The following APMAP variants were observed in gnomAD, a reference collection of about 807,000 sequenced individuals.
APMAP encodes adipocyte plasma membrane-associated protein.
A neutral mutation model predicts 43.6 loss-of-function variants in APMAP; 33 were observed. The observed-to-expected ratio is 0.76, with a 90% CI of 0.57 to 1.01. APMAP has a LOEUF of 1.01. Ranked by LOEUF, APMAP falls within the 50% of genes least tolerant of loss-of-function variation. The pLI is 0.00. For synonymous variants in APMAP, 224 were observed against 216.7 expected (o/e 1.03, Z -0.30); for missense variants, 498 against 540.7 (o/e 0.92, Z 0.78).
intron 6 of APMAP, 32 bp from the exon 7 acceptor site, chr20:24,969,692 G>A: frequency 6.3e-7 from 1 of 1,587,914 alleles, no homozygotes; most frequent in Non-Finnish European, 8.6e-7. Flanking sequence ...GGGTTATGGG[G>A]GAGAATCCCT....
intron 1 of APMAP, among the ~76,000 whole-genome samples, chr20:24,987,863 A>G (rs1380382340): frequency 1.3e-5 from 2 of 152,182 alleles, no homozygotes; most frequent in Non-Finnish European, 2.9e-5. Context: ...ACACCCTTCA[A>G]CCCAAGTGAT....
chr20:24,988,598 C>T (rs1257086167), intron 1 of APMAP, among the ~76,000 whole-genome samples: 2 of 152,190 alleles, frequency 1.3e-5, no homozygotes, highest in African/African-American at 2.4e-5. Flanking sequence ...GCAGCCAACT[C>T]CTGGATGGGC....
intron 8 of APMAP, among the ~76,000 whole-genome samples, chr20:24,968,083 C>T (rs1009939525): frequency 1.1e-4 from 16 of 152,320 alleles, no homozygotes; most frequent in Admixed American, 4.6e-4. Flanking sequence ...ATTTAAAATA[C>T]CTATTCAGCC....
intron 8 of APMAP, 138 bp downstream of exon 8, chr20:24,968,753 GA>G (rs2087969350): frequency 3.6e-6 from 3 of 836,900 alleles, no homozygotes; most frequent in African/African-American, 1.8e-5. Flanking sequence ...ATTTCAGGAT[GA>G]AGAATGAAAT....
At chr20:24,983,031 G>GT (rs1466485019) in intron 2 of APMAP, among the ~76,000 whole-genome samples, 1 of 152,208 alleles carries the variant, frequency 6.6e-6, no homozygotes, top group East Asian at 1.9e-4. Context: ...ACAGCACCTT[G>GT]TGCCTTTACT....
At chr20:24,968,835 A>C in intron 8 of APMAP, 57 bp downstream of exon 8, 1 of 1,507,526 alleles carries the variant, frequency 6.6e-7, no homozygotes, top group South Asian at 1.3e-5. Flanking sequence ...AGGGTCAAAA[A>C]AATATGATTC....
In APMAP at chr20:24,970,381, A is replaced by T; in HGVS notation, c.539-10T>A. On this transcript the variant is annotated splice_polypyrimidine_tract_variant and intron_variant, in intron 5 of 8. Coordinates refer to ENST00000217456, the MANE Select transcript of APMAP (RefSeq NM_020531.3). ...AGCAGTTTCACTTCACCTGAAGTTT[A>T]AAAAGAAAGAAAAAGATTGACTTGA... is the stretch of plus-strand genomic sequence containing the variant. The T allele has an allele frequency of 6.3e-7, 1 of 1,598,642 alleles. No homozygotes were observed. The highest frequency in any genetic ancestry group is 8.5e-7 in the Non-Finnish European group (1 of 1,171,184).
Position 24,992,737 on chromosome 20 carries a change from G to A in APMAP, c.-49C>T, listed in dbSNP as rs368294552. 62 of 1,382,258 alleles carry A rather than the reference G, an allele frequency of 4.5e-5. No homozygotes were observed. The Admixed American group carries it at 8.9e-4, about 20-fold the overall frequency. 85.6% of individuals were successfully genotyped at this position (1,382,258 alleles called of 1,614,324 possible). ...CAGAAACCACCTCACACTGAGCGGCGCCGGCTCAGACTCCAGGCCCGCCCT... is the reference window on the plus strand; with the variant it reads ...CAGAAACCACCTCACACTGAGCGGCACCGGCTCAGACTCCAGGCCCGCCCT... On this transcript the variant is annotated 5_prime_UTR_variant, in exon 1 of 9. Transcript: ENST00000217456.
At chr20:24,970,494 A>C in intron 5 of APMAP, 123 bp from the exon 6 acceptor site, 1 of 905,118 alleles carries the variant, frequency 1.1e-6, no homozygotes, top group Non-Finnish European at 1.6e-6. Flanking sequence ...CATTTGTCAG[A>C]AGATTTATTC....
intron 8 of APMAP, among the ~76,000 whole-genome samples, chr20:24,966,789 G>C (rs1313926775): frequency 6.6e-6 from 1 of 152,132 alleles, no homozygotes; most frequent in East Asian, 1.9e-4. Context: ...ATCTGAATGG[G>C]GCCTGCAGAC....
chr20:24,966,229 C>T (rs1219318102), intron 8 of APMAP, among the ~76,000 whole-genome samples: 6 of 152,162 alleles, frequency 3.9e-5, no homozygotes, highest in African/African-American at 2.4e-5. Flanking sequence ...TGCCCAAAGG[C>T]CCAGAAGCCA....
At chr20:24,973,525 T>C (rs1434390222) in intron 4 of APMAP, 120 bp downstream of exon 4, 5 of 902,614 alleles carry the variant, frequency 5.5e-6, no homozygotes, top group Non-Finnish European at 6.5e-6. Context: ...TTCCATCTAC[T>C]AGATGGTCAG....
intron 8 of APMAP, among the ~76,000 whole-genome samples, chr20:24,965,046 C>A (rs1450490079): frequency 1.3e-5 from 2 of 152,214 alleles, no homozygotes; most frequent in African/African-American, 2.4e-5. Context: ...TACAACTAGT[C>A]ACTTTCCCAG....
intron 2 of APMAP, among the ~76,000 whole-genome samples, chr20:24,980,258 A>G (rs2088090626): frequency 6.6e-6 from 1 of 152,264 alleles, no homozygotes; most frequent in Non-Finnish European, 1.5e-5. Flanking sequence ...GCCTCCAGCA[A>G]GGCAGAGAAT....
intron 3 of APMAP, among the ~76,000 whole-genome samples, chr20:24,976,666 G>A (rs2088052445): frequency 6.6e-6 from 1 of 152,138 alleles, no homozygotes; most frequent in African/African-American, 2.4e-5. Flanking sequence ...ATACAATCCA[G>A]CAATTATGCT....
chr20:24,974,927 C>T (rs2088037844), intron 3 of APMAP, among the ~76,000 whole-genome samples: 1 of 152,200 alleles, frequency 6.6e-6, no homozygotes. Context: ...AGAATAATCA[C>T]ATGATCATAT....
chr20:24,963,951 A>C lies in APMAP; in HGVS notation c.1113T>G (p.Gly371=). The C allele has an allele frequency of 1.2e-6, 2 of 1,614,232 alleles. No homozygotes were observed. The highest frequency in any genetic ancestry group is 1.7e-6 in the Non-Finnish European group (2 of 1,180,032). The change falls in exon 9 of 9, where the codon GGT becomes GGG. Residue 371 remains glycine (G), a synonymous_variant. Transcript: ENST00000217456. ...YSLVLELSDS[G]AFRRSLHDPD... is the part of the protein sequence containing the mutation. ...GATCATGCAGGCTTCTCCGGAAGGC[A>C]CCGCTGTCGCTGAGTTCTAGGACGA...
At chr20:24,987,762 T>C (rs2088160618) in intron 1 of APMAP, among the ~76,000 whole-genome samples, 1 of 152,092 alleles carries the variant, frequency 6.6e-6, no homozygotes. Context: ...TTATGGTATG[T>C]GAATTACATC....
chr20:24,966,987 C>T (rs866813015), intron 8 of APMAP, among the ~76,000 whole-genome samples: 4 of 151,902 alleles, frequency 2.6e-5, no homozygotes, highest in Middle Eastern at 3.2e-3. Context: ...GATACTGCCT[C>T]GAAATTAAAA....
Sources: gnomAD v4.1 joint callset for allele counts (sites outside exome capture counted in the v4.1 genomes callset) on GRCh38, gnomAD v4.1.1 for gene constraint, MANE v1.5 for transcripts, NCBI Gene and HGNC (gene_info 2026-07-23, HGNC 2026-07-21) for gene names.